The following KL variants were observed in gnomAD, a reference collection of about 807,000 sequenced individuals.
KL encodes alpha-klotho.
KL carries 62 observed loss-of-function variants against 84.2 expected under a neutral mutation model. The ratio of observed to expected loss-of-function variants is 0.74; its 90% CI spans 0.60 to 0.91. The LOEUF (loss-of-function observed/expected upper bound fraction) is 0.91. KL is among the 40% of genes least tolerant of loss of function. The probability of loss-of-function intolerance (pLI) is 0.00; values close to 1 mark genes in which losing one functional copy is unlikely to be tolerated. For missense variants in KL, 1,261 were observed against 1,305.7 expected (o/e 0.97, Z 0.53); for synonymous variants, 528 against 528.0 (o/e 1.00, Z 0.00).
intron 1 of KL, among the ~76,000 whole-genome samples, chr13:33,039,265 A>C (rs191263061): frequency 9.5e-4 from 144 of 152,298 alleles, no homozygotes; most frequent in African/African-American, 3.4e-3. Flanking sequence ...TTAATGTCTT[A>C]TTCCTGGGTT....
chr13:33,044,619 T>C (rs558912627), intron 1 of KL, among the ~76,000 whole-genome samples: 11 of 150,118 alleles, frequency 7.3e-5, no homozygotes, highest in Non-Finnish European at 1.2e-4. Context: ...TTTCTGTTCA[T>C]ATATAAATGC....
At chr13:33,040,012 G>A (rs189351542) in intron 1 of KL, among the ~76,000 whole-genome samples, 183 of 152,290 alleles carry the variant, frequency 1.2e-3, no homozygotes, top group Non-Finnish European at 1.7e-3. Flanking sequence ...ACACATATTC[G>A]TCTAACTGGG....
chr13:33,033,430 A>G (rs1593794729), intron 1 of KL, among the ~76,000 whole-genome samples: 1 of 152,186 alleles, frequency 6.6e-6, no homozygotes, highest in African/African-American at 2.4e-5. Context: ...ACACTCTCAA[A>G]GGTGTTTCAA....
intron 1 of KL, among the ~76,000 whole-genome samples, chr13:33,047,607 C>G (rs144385048): frequency 0.015 from 2,217 of 152,248 alleles, 61 homozygotes; most frequent in African/African-American, 0.05. Context: ...GGATTACAGG[C>G]GTGAGCCACT....
chr13:33,029,284 A>C (rs1870885799), intron 1 of KL, among the ~76,000 whole-genome samples: 1 of 152,232 alleles, frequency 6.6e-6, no homozygotes, highest in Non-Finnish European at 1.5e-5. Flanking sequence ...CAAGTTACAA[A>C]GAAATAGGGT....
chr13:33,061,200 T>G lies in KL; in HGVS notation c.2121T>G (p.His707Gln), dbSNP rs1403138225. Residue 707 changes from histidine (H) to glutamine (Q), a missense_variant, in exon 4 of 5, where the codon CAT (histidine) becomes CAG (glutamine). Physicochemically the swap from His to Gln is conservative, Grantham distance 24. Coordinates refer to ENST00000380099, the MANE Select transcript of KL (RefSeq NM_004795.4). ...CTGGCCACAACCTTCTGAAGGCCCA[T>G]GCCCTGGCTTGGCATGTGTACAATG... The part of the protein sequence containing the change: ...YSAGHNLLKA[H>Q]ALAWHVYNEK... The G allele has an allele frequency of 1.2e-6, 2 of 1,614,140 alleles. No individual in the cohort carries two copies. Among genetic ancestry groups the G allele is most frequent in the Non-Finnish European group, 1.7e-6 (2 of 1,180,060 alleles).
chr13:33,053,748 A>G lies in KL; in HGVS notation c.820-19A>G, dbSNP rs761851533. The G allele has an allele frequency of 2.5e-6, 4 of 1,613,358 alleles. No individual in the cohort carries two copies. Among genetic ancestry groups the G allele is most frequent in the South Asian group, 1.1e-5 (1 of 91,032 alleles). ...CCTCACAACTAGAGATAAATTTGCC[A>G]TGGTTTTTCTCTTCATAGGCTCATG... On this transcript the variant is annotated intron_variant, in intron 1 of 4. Coordinates refer to ENST00000380099, the MANE Select transcript of KL (RefSeq NM_004795.4).
At chr13:33,040,218 C>A (rs1330135304) in intron 1 of KL, among the ~76,000 whole-genome samples, 1 of 152,180 alleles carries the variant, frequency 6.6e-6, no homozygotes, top group Non-Finnish European at 1.5e-5. Flanking sequence ...GGAACTGCAG[C>A]TTATAAACCA....
intron 1 of KL, among the ~76,000 whole-genome samples, chr13:33,051,174 A>G (rs1468650809): frequency 6.6e-6 from 1 of 152,174 alleles, no homozygotes; most frequent in Non-Finnish European, 1.5e-5. Context: ...TTTAGTCCTC[A>G]CAACAGTCCT....
intron 2 of KL, 111 bp downstream of exon 2, chr13:33,054,388 C>A: frequency 1.7e-6 from 2 of 1,177,118 alleles, no homozygotes; most frequent in Non-Finnish European, 2.5e-6. Context: ...CTAATGGAGA[C>A]ATTCATTTTG....
At chr13:33,053,195 G>C (rs1433311580) in intron 1 of KL, among the ~76,000 whole-genome samples, 1 of 152,186 alleles carries the variant, frequency 6.6e-6, no homozygotes, top group African/African-American at 2.4e-5. Context: ...GCCAAGGTTA[G>C]ATGCTGGAGT....
Position 33,043,742 on chromosome 13 carries a change from C to A in KL, c.820-10025C>A, listed in dbSNP as rs554517404. ...GATAGGTAGGCTTACGTATTTATTTCGGATATAATTATTTTGTCAATTATA... is the reference window on the plus strand; with the variant it reads ...GATAGGTAGGCTTACGTATTTATTTAGGATATAATTATTTTGTCAATTATA... On this transcript the variant is annotated intron_variant, in intron 1 of 4. Coordinates refer to ENST00000380099, the MANE Select transcript of KL (RefSeq NM_004795.4). Among the ~76,000 whole-genome samples, 44 of 152,032 alleles carry A rather than the reference C, an allele frequency of 2.9e-4. 1 individual carries two copies. The highest frequency in any genetic ancestry group is 9.4e-4 in the African/African-American group (39 of 41,466).
chr13:33,035,109 G>T (rs1270163827), intron 1 of KL, among the ~76,000 whole-genome samples: 1 of 152,166 alleles, frequency 6.6e-6, no homozygotes, highest in African/African-American at 2.4e-5. Context: ...GAAAGAGCAG[G>T]CCGATGACTT....
chr13:33,035,055 AT>A (rs2138206399), intron 1 of KL, among the ~76,000 whole-genome samples: 1 of 152,370 alleles, frequency 6.6e-6, no homozygotes, highest in African/African-American at 2.4e-5. Context: ...ACTTAACACC[AT>A]GTCGAAACTG....
chr13:33,047,056 G>A (rs1871557929), intron 1 of KL, among the ~76,000 whole-genome samples: 1 of 151,628 alleles, frequency 6.6e-6, no homozygotes, highest in Admixed American at 6.6e-5. Context: ...TTATTTTCTG[G>A]TCTAACATAT....
chr13:33,037,163 T>C lies in KL; in HGVS notation c.820-16604T>C, dbSNP rs1395734419. Among the ~76,000 whole-genome samples the C allele has an allele frequency of 3.3e-5, 5 of 152,218 alleles. No homozygotes were observed. The East Asian group carries it at 9.6e-4, about 29-fold the overall frequency. ...GTCAGTTTTTCTATCAGTGTTAGTA[T>C]GTAGTAAGTAATGGCATACATCTAA... On this transcript the variant is annotated intron_variant, in intron 1 of 4. Coordinates refer to ENST00000380099, the MANE Select transcript of KL (RefSeq NM_004795.4).
In KL at chr13:33,054,257, T is replaced by C; in HGVS notation, c.1310T>C (p.Phe437Ser). Reference protein sequence around the residue: ...DAKYMYYLKKFIMETLKAIKL... With the variant: ...DAKYMYYLKKSIMETLKAIKL... ...AAATATATGTATTACCTCAAAAAGT[T>C]CATCATGGAAACCTTAAAAGGTATG... The change falls in exon 2 of 5, where the codon TTC (phenylalanine) becomes TCC (serine). Residue 437 changes from phenylalanine (F) to serine (S), a missense_variant. Physicochemically the swap from Phe to Ser is radical, Grantham distance 155 (BLOSUM62 -2). Coordinates refer to ENST00000380099, the MANE Select transcript of KL (RefSeq NM_004795.4). The C allele has an allele frequency of 6.2e-7, 1 of 1,613,714 alleles. No individual in the cohort carries two copies. Among genetic ancestry groups the C allele is most frequent in the Non-Finnish European group, 8.5e-7 (1 of 1,179,978 alleles).
Position 33,055,106 on chromosome 13 carries a change from T to G in KL, c.1390T>G (p.Phe464Val). Reference protein sequence around the residue: ...GYTAWSLMDGFEWHRGYSIRR... With the variant: ...GYTAWSLMDGVEWHRGYSIRR... Reference sequence around the variant, plus strand: ...TACCGCATGGTCCCTCATGGATGGTTTCGAGTGGCACAGAGGTTACAGCAT... The same window carrying G: ...TACCGCATGGTCCCTCATGGATGGTGTCGAGTGGCACAGAGGTTACAGCAT... Residue 464 changes from phenylalanine (F) to valine (V), a missense_variant, in exon 3 of 5, where the codon TTC (phenylalanine) becomes GTC (valine). Transcript: ENST00000380099. The G allele has an allele frequency of 6.2e-7, 1 of 1,614,180 alleles. No individual in the cohort carries two copies. Among genetic ancestry groups the G allele is most frequent in the Non-Finnish European group, 8.5e-7 (1 of 1,180,038 alleles).
intron 4 of KL, 58 bp from the exon 5 acceptor site, chr13:33,063,790 AG>A: frequency 1.4e-6 from 2 of 1,462,148 alleles, no homozygotes; most frequent in Admixed American, 1.7e-5. Flanking sequence ...AAAAAAAAAA[AG>A]TGATGTGTTG....
Sources: allele counts gnomAD v4.1 joint callset (sites outside exome capture counted in the v4.1 genomes callset), GRCh38; gene constraint gnomAD v4.1.1; transcripts MANE v1.5; gene names NCBI Gene and HGNC (gene_info 2026-07-23, HGNC 2026-07-21).